GALNT17: variants seen among roughly 807,000 people sequenced by gnomAD.
GALNT17 encodes the protein polypeptide N-acetylgalactosaminyltransferase 17.
In GALNT17, 29 loss-of-function variants were observed where a neutral mutation model predicts 63.7. That is an observed-to-expected ratio of 0.46 (90% CI 0.34 to 0.62). GALNT17 has a LOEUF of 0.62. GALNT17 is among the 20% of genes least tolerant of loss of function. GALNT17 has a pLI of 0.01. For missense variants in GALNT17, 603 were observed against 799.6 expected (o/e 0.75, Z 2.97); for synonymous variants, 305 against 318.3 (o/e 0.96, Z 0.45).
chr7:71,640,328 T>A (rs765461350), intron 6 of GALNT17, among the ~76,000 whole-genome samples: 7 of 152,222 alleles, frequency 4.6e-5, no homozygotes, highest in Non-Finnish European at 7.3e-5. Context: ...TTCTACATTT[T>A]TTTTTTAGAT....
At chr7:71,297,039 G>A (rs1456153446) in intron 1 of GALNT17, among the ~76,000 whole-genome samples, 2 of 152,134 alleles carry the variant, frequency 1.3e-5, no homozygotes, top group Non-Finnish European at 2.9e-5. Flanking sequence ...TAAGGAGAAG[G>A]CTTTTCTTAT....
At chr7:71,383,282 G>A (rs374031961) in intron 2 of GALNT17, among the ~76,000 whole-genome samples, 6 of 151,954 alleles carry the variant, frequency 3.9e-5, no homozygotes, top group African/African-American at 1.4e-4. Context: ...CAAAATCCCT[G>A]GAAGCTCAAG....
chr7:71,582,587 GA>G (rs939810693), intron 6 of GALNT17, among the ~76,000 whole-genome samples: 11 of 150,772 alleles, frequency 7.3e-5, no homozygotes, highest in Admixed American at 1.3e-4. Context: ...CTCAAAAAAA[GA>G]AAAAAAAGAA....
At chr7:71,392,415 A>G (rs1489637045) in intron 3 of GALNT17, among the ~76,000 whole-genome samples, 2 of 152,120 alleles carry the variant, frequency 1.3e-5, no homozygotes, top group Admixed American at 1.3e-4. Flanking sequence ...GTATTTATAC[A>G]CCTTTAGCAG....
At position 71,184,943 on chromosome 7, in the gene GALNT17, C is replaced by A. The variant is rs571503770; in HGVS notation, c.238+51903C>A. Among the ~76,000 whole-genome samples, 61 of 21,248 alleles carry A rather than the reference C, an allele frequency of 2.9e-3. No individual in the cohort carries two copies. The Middle Eastern group carries it at 0.088, about 31-fold the overall frequency. 13.9% of individuals were successfully genotyped at this position (21,248 alleles called of 152,430 possible). ...CCCTCCCTCCCTCCCTTCCTCACTT[C>A]CTTCCTTCCTTCCTTCCTTCCTTCC... is the stretch of plus-strand genomic sequence containing the variant. On this transcript the variant is annotated intron_variant, in intron 1 of 10. Coordinates refer to ENST00000333538, the MANE Select transcript of GALNT17 (RefSeq NM_022479.3).
intron 5 of GALNT17, among the ~76,000 whole-genome samples, chr7:71,489,321 C>T (rs1787968961): frequency 6.6e-6 from 1 of 152,182 alleles, no homozygotes; most frequent in Non-Finnish European, 1.5e-5. Context: ...GCTTCATTCA[C>T]ACCCAGCTCT....
chr7:71,279,260 C>G (rs1294983739), intron 1 of GALNT17, among the ~76,000 whole-genome samples: 1 of 151,912 alleles, frequency 6.6e-6, no homozygotes, highest in Admixed American at 6.6e-5. Flanking sequence ...TCTAGTATTT[C>G]TTCTTATGGC....
At chr7:71,369,011 A>T (rs1029155193) in intron 2 of GALNT17, among the ~76,000 whole-genome samples, 1 of 152,090 alleles carries the variant, frequency 6.6e-6, no homozygotes. Flanking sequence ...GCAAGAGATG[A>T]GTTTCTTCTC....
At chr7:71,459,450 TC>T (rs1404721649) in intron 5 of GALNT17, among the ~76,000 whole-genome samples, 5 of 152,224 alleles carry the variant, frequency 3.3e-5, no homozygotes, top group African/African-American at 1.2e-4. Flanking sequence ...GGAGAAAATT[TC>T]AGGCTGAGGA....
Position 71,665,629 on chromosome 7 carries a change from G to A in GALNT17, c.1266+33G>A, listed in dbSNP as rs200356104. 5.2e-4 allele frequency: 828 copies of A among 1,595,966 alleles called. 3 individuals carry two copies. Among genetic ancestry groups the A allele is most frequent in the Non-Finnish European group, 3.8e-4 (442 of 1,173,664 alleles). On this transcript the variant is annotated intron_variant, in intron 7 of 10. Coordinates refer to ENST00000333538, the MANE Select transcript of GALNT17 (RefSeq NM_022479.3). The stretch of plus-strand genomic sequence containing the variant: ...TCACCAGCCTTTCCCCACCACCCCA[G>A]TACAGTGATCCTTACTGTTTGATCA...
intron 5 of GALNT17, among the ~76,000 whole-genome samples, chr7:71,524,605 C>G (rs1285450316): frequency 6.6e-6 from 1 of 152,086 alleles, no homozygotes; most frequent in Non-Finnish European, 1.5e-5. Context: ...GGAGGATGTT[C>G]AAGAAAGTGA....
intron 9 of GALNT17, among the ~76,000 whole-genome samples, chr7:71,699,128 T>A (rs1392871341): frequency 8.2e-6 from 1 of 121,890 alleles, no homozygotes; most frequent in Non-Finnish European, 1.6e-5. Context: ...GCCAAGATCA[T>A]GCCACTGCAC....
chr7:71,234,841 T>A (rs1210185060), intron 1 of GALNT17, among the ~76,000 whole-genome samples: 1 of 152,206 alleles, frequency 6.6e-6, no homozygotes, highest in Non-Finnish European at 1.5e-5. Flanking sequence ...TGTTGCCAGG[T>A]GGCCTGGGTG....
intron 1 of GALNT17, among the ~76,000 whole-genome samples, chr7:71,270,794 G>A (rs2115694137): frequency 1.3e-5 from 2 of 151,916 alleles, no homozygotes; most frequent in East Asian, 3.9e-4. Context: ...GCTTAGCTTT[G>A]GTTTAAGCTG....
intron 2 of GALNT17, among the ~76,000 whole-genome samples, chr7:71,345,351 G>T (rs568876785): frequency 6.6e-6 from 1 of 151,992 alleles, no homozygotes; most frequent in South Asian, 2.1e-4. Flanking sequence ...ATTTATGAGC[G>T]GTTTCTACTG....
intron 5 of GALNT17, among the ~76,000 whole-genome samples, chr7:71,434,947 A>G (rs932020773): frequency 1.3e-4 from 20 of 152,342 alleles, no homozygotes; most frequent in Admixed American, 9.8e-4. Flanking sequence ...TCAGGGGACC[A>G]GTCTGGAGAA....
At chr7:71,175,719 G>T (rs1184051564) in intron 1 of GALNT17, among the ~76,000 whole-genome samples, 1 of 152,114 alleles carries the variant, frequency 6.6e-6, no homozygotes, top group Non-Finnish European at 1.5e-5. Context: ...GTAACAGATT[G>T]TCCAAAAACT....
At chr7:71,291,711 C>T (rs763426922) in intron 1 of GALNT17, among the ~76,000 whole-genome samples, 5 of 152,084 alleles carry the variant, frequency 3.3e-5, no homozygotes, top group Non-Finnish European at 7.4e-5. Context: ...GATCTATATA[C>T]TAATTTTCTG....
At chr7:71,269,909 A>C (rs567576961) in intron 1 of GALNT17, among the ~76,000 whole-genome samples, 56 of 152,284 alleles carry the variant, frequency 3.7e-4, no homozygotes, top group African/African-American at 1.3e-3. Context: ...AAAGCAGGGG[A>C]TAGACTCAGG....
Sources: gnomAD v4.1 joint callset for allele counts (sites outside exome capture counted in the v4.1 genomes callset) on GRCh38, gnomAD v4.1.1 for gene constraint, MANE v1.5 for transcripts, NCBI Gene and HGNC (gene_info 2026-07-23, HGNC 2026-07-21) for gene names.